Variants in VOPP1 observed in about 807,000 individuals in gnomAD.
VOPP1 encodes WW domain binding protein VOPP1.
Under a neutral mutation model 23.5 loss-of-function variants are expected in VOPP1, and 8 were observed. The ratio of observed to expected loss-of-function variants is 0.34; its 90% CI spans 0.20 to 0.61. VOPP1 has a LOEUF of 0.61. Among genes scored for constraint, VOPP1 ranks in the 20% least tolerant of loss-of-function variants. The pLI is 0.78. For missense variants in VOPP1, 174 were observed against 238.1 expected, an observed-to-expected ratio of 0.73 and a Z score of 1.77; for synonymous variants, 83 against 97.3, an observed-to-expected ratio of 0.85 and a Z score of 0.86.
At chr7:55,435,241 T>C (rs1449586340), downstream of VOPP1, among the ~76,000 whole-genome samples, 1 of 152,146 alleles carries the variant, frequency 6.6e-6, no homozygotes, top group East Asian at 1.9e-4. Flanking sequence ...GAGAGAGGGT[T>C]CCCAGTTTTC....
intron 4 of VOPP1, among the ~76,000 whole-genome samples, chr7:55,463,085 G>GT (rs1791546077): frequency 6.6e-6 from 1 of 151,976 alleles, no homozygotes; most frequent in Admixed American, 6.5e-5. Context: ...GTCTGAAAAG[G>GT]TACTTGATAT....
At chr7:55,458,246 T>G (rs962413762) in intron 4 of VOPP1, among the ~76,000 whole-genome samples, 2 of 152,156 alleles carry the variant, frequency 1.3e-5, no homozygotes, top group Non-Finnish European at 2.9e-5. Context: ...ATATATGTAT[T>G]TATTTCTGGG....
intron 1 of VOPP1, among the ~76,000 whole-genome samples, chr7:55,558,496 G>A (rs563624343): frequency 1.3e-5 from 2 of 152,202 alleles, no homozygotes; most frequent in South Asian, 2.1e-4. Context: ...AACCTGTTCA[G>A]GTGTGCACAC....
intron 1 of VOPP1, among the ~76,000 whole-genome samples, chr7:55,525,239 C>A (rs1468394414): frequency 6.6e-6 from 1 of 151,986 alleles, no homozygotes; most frequent in Non-Finnish European, 1.5e-5. Context: ...GCCTGTAATC[C>A]CAGCACTTTG....
At chr7:55,510,241 C>T (rs976562803) in intron 2 of VOPP1, among the ~76,000 whole-genome samples, 1 of 152,188 alleles carries the variant, frequency 6.6e-6, no homozygotes, top group African/African-American at 2.4e-5. Flanking sequence ...ACTTCTTTTA[C>T]ATTATAACTA....
At chr7:55,487,658 T>C (rs1414222571) in intron 4 of VOPP1, among the ~76,000 whole-genome samples, 2 of 152,194 alleles carry the variant, frequency 1.3e-5, no homozygotes. Context: ...CACTATCCAA[T>C]GCTCTCTTCC....
At chr7:55,568,779 A>C (rs187069761) in intron 1 of VOPP1, among the ~76,000 whole-genome samples, 5 of 152,362 alleles carry the variant, frequency 3.3e-5, no homozygotes, top group Admixed American at 3.3e-4. Context: ...AAGTGTAGTC[A>C]GTTTTAAAAC....
At chr7:55,463,128 T>C (rs909845036) in intron 4 of VOPP1, among the ~76,000 whole-genome samples, 3 of 152,236 alleles carry the variant, frequency 2.0e-5, no homozygotes, top group Admixed American at 1.3e-4. Flanking sequence ...GAGATTTATT[T>C]TGTGGCCAAA....
intron 1 of VOPP1, among the ~76,000 whole-genome samples, chr7:55,536,378 A>G (rs1288743662): frequency 6.6e-6 from 1 of 151,910 alleles, no homozygotes; most frequent in African/African-American, 2.4e-5. Context: ...AAAATACAAA[A>G]ATTAGCCCGG....
chr7:55,505,691 GA>G (rs1794678246), intron 2 of VOPP1, among the ~76,000 whole-genome samples: 1 of 80,630 alleles, frequency 1.2e-5, no homozygotes, highest in Non-Finnish European at 2.5e-5. Context: ...GGGAGGGAGG[GA>G]GGGAGGGAGG....
chr7:55,498,987 TC>T (rs1377717685), intron 2 of VOPP1, among the ~76,000 whole-genome samples: 1 of 151,786 alleles, frequency 6.6e-6, no homozygotes, highest in African/African-American at 2.4e-5. Flanking sequence ...TGAGAGACAC[TC>T]CCTCCCCACT....
intron 2 of VOPP1, among the ~76,000 whole-genome samples, chr7:55,500,447 CA>C (rs1417428253): frequency 1.3e-5 from 2 of 152,212 alleles, no homozygotes; most frequent in Non-Finnish European, 2.9e-5. Flanking sequence ...GCCAACAACC[CA>C]AATCAATTCG....
At chr7:55,462,120 C>A (rs552184577) in intron 4 of VOPP1, among the ~76,000 whole-genome samples, 1 of 152,138 alleles carries the variant, frequency 6.6e-6, no homozygotes, top group Non-Finnish European at 1.5e-5. Context: ...AGTGTTCTTG[C>A]GTGACAGTTT....
At chr7:55,521,545 T>C (rs1795855775) in intron 1 of VOPP1, 1 of 998,198 alleles carries the variant, frequency 1.0e-6, no homozygotes, top group Non-Finnish European at 1.2e-6. Context: ...TAGAGCTGTA[T>C]ATTTCAGAAT....
chr7:55,515,661 G>A (rs1369091853), intron 2 of VOPP1, among the ~76,000 whole-genome samples: 2 of 152,178 alleles, frequency 1.3e-5, no homozygotes, highest in East Asian at 1.9e-4. Flanking sequence ...AGCATCTGGA[G>A]CTACCTCCTC....
intron 4 of VOPP1, among the ~76,000 whole-genome samples, chr7:55,479,712 T>C (rs1792560230): frequency 6.6e-6 from 1 of 152,234 alleles, no homozygotes; most frequent in Non-Finnish European, 1.5e-5. Flanking sequence ...AAATGTGATG[T>C]TAGCAAAGAA....
At chr7:55,493,927 G>A (rs1460783506) in intron 3 of VOPP1, among the ~76,000 whole-genome samples, 1 of 152,204 alleles carries the variant, frequency 6.6e-6, no homozygotes, top group African/African-American at 2.4e-5. Context: ...GTGGTGGTGA[G>A]CAAGACTGGG....
intron 4 of VOPP1, among the ~76,000 whole-genome samples, chr7:55,486,210 G>C (rs1793131176): frequency 6.6e-6 from 1 of 152,250 alleles, no homozygotes; most frequent in Non-Finnish European, 1.5e-5. Context: ...GCTTTGTTGT[G>C]AGTAATGTAA....
chr7:55,460,309 A>C (rs1791467590), intron 4 of VOPP1, among the ~76,000 whole-genome samples: 1 of 152,218 alleles, frequency 6.6e-6, no homozygotes, highest in Non-Finnish European at 1.5e-5. Context: ...AGAATGTTCC[A>C]TGTGCTGATG....
Sources: allele counts gnomAD v4.1 joint callset (sites outside exome capture counted in the v4.1 genomes callset), GRCh38; gene constraint gnomAD v4.1.1; transcripts MANE v1.5; gene names NCBI Gene and HGNC (gene_info 2026-07-23, HGNC 2026-07-21).